The following TAS2R1 variants were observed in gnomAD, a reference collection of about 807,000 sequenced individuals.
The protein encoded by TAS2R1 is taste receptor type 2 member 1.
For missense variants in TAS2R1, 370 were observed against 353.4 expected (o/e 1.05, Z -0.38); for synonymous variants, 141 against 134.2 (o/e 1.05, Z -0.35).
At chr5:9,817,135 T>A in the TAS2R1 span, among the ~76,000 whole-genome samples, 23 of 152,318 alleles carry the variant, frequency 1.5e-4, no homozygotes, top group African/African-American at 5.5e-4. Flanking sequence ...GAAAACTGAT[T>A]TTAAGCCCAC....
At chr5:9,762,072 A>T in the TAS2R1 span, among the ~76,000 whole-genome samples, 3 of 152,296 alleles carry the variant, frequency 2.0e-5, no homozygotes, top group South Asian at 4.1e-4. Context: ...GCTCACCAAA[A>T]AAACACCTCC....
intron 1 of TAS2R1, among the ~76,000 whole-genome samples, chr5:9,686,384 T>C (rs1157819630): frequency 1.3e-5 from 2 of 152,194 alleles, no homozygotes; most frequent in East Asian, 1.9e-4. Flanking sequence ...ATAAGAATGT[T>C]ATCCCTCGGC....
chr5:9,788,649 T>C, the TAS2R1 span, among the ~76,000 whole-genome samples: 32 of 152,166 alleles, frequency 2.1e-4, no homozygotes, highest in African/African-American at 7.7e-4. Flanking sequence ...AAAATATAAT[T>C]ATGGGTCTAT....
At chr5:9,781,975 T>C in the TAS2R1 span, among the ~76,000 whole-genome samples, 2 of 152,228 alleles carry the variant, frequency 1.3e-5, no homozygotes, top group Non-Finnish European at 2.9e-5. Context: ...ATAGATGTCT[T>C]TCTGGTTTTT....
chr5:9,850,316 A>G, the TAS2R1 span, among the ~76,000 whole-genome samples: 6 of 152,344 alleles, frequency 3.9e-5, no homozygotes, highest in Middle Eastern at 3.4e-3. Flanking sequence ...TGTCAAATCC[A>G]TCTACATTAT....
the TAS2R1 span, among the ~76,000 whole-genome samples, chr5:9,748,101 T>G: frequency 6.6e-6 from 1 of 152,226 alleles, no homozygotes; most frequent in Non-Finnish European, 1.5e-5. Flanking sequence ...TTTATTCTTC[T>G]GTTAAGTAGG....
chr5:9,642,429 G>A (rs1340515116), intron 2 of TAS2R1, among the ~76,000 whole-genome samples: 4 of 152,108 alleles, frequency 2.6e-5, no homozygotes, highest in South Asian at 2.1e-4. Context: ...GAATCTTCCC[G>A]ATAGCAGAGC....
At chr5:9,791,772 G>A in the TAS2R1 span, among the ~76,000 whole-genome samples, 1 of 152,126 alleles carries the variant, frequency 6.6e-6, no homozygotes, top group South Asian at 2.1e-4. Context: ...TTGGTTTAGG[G>A]TACCTGTGTT....
At chr5:9,670,655 T>C (rs1428365772) in intron 1 of TAS2R1, among the ~76,000 whole-genome samples, 1 of 152,128 alleles carries the variant, frequency 6.6e-6, no homozygotes, top group Admixed American at 6.6e-5. Context: ...ATAAAAAGCC[T>C]GCCAACCAGA....
chr5:9,903,328 T>C, the TAS2R1 span, among the ~76,000 whole-genome samples: 1 of 152,062 alleles, frequency 6.6e-6, no homozygotes. Flanking sequence ...ATCCATGTTG[T>C]CCTTTATTTT....
chr5:9,859,144 T>G, the TAS2R1 span, among the ~76,000 whole-genome samples: 1 of 152,216 alleles, frequency 6.6e-6, no homozygotes, highest in Non-Finnish European at 1.5e-5. Flanking sequence ...CAGAAACAAT[T>G]AAATCCTCAC....
upstream of TAS2R1, among the ~76,000 whole-genome samples, chr5:9,632,128 C>T (rs1444908932): frequency 6.6e-6 from 1 of 152,066 alleles, no homozygotes; most frequent in Non-Finnish European, 1.5e-5. Flanking sequence ...AATTCTAGAC[C>T]ACCAAAATAC....
At chr5:9,826,715 T>C in the TAS2R1 span, among the ~76,000 whole-genome samples, 1 of 152,338 alleles carries the variant, frequency 6.6e-6, no homozygotes, top group African/African-American at 2.4e-5. Context: ...CCTTAAAACA[T>C]ATTTTTGAAA....
intron 1 of TAS2R1, among the ~76,000 whole-genome samples, chr5:9,706,280 A>T (rs1028971580): frequency 3.3e-5 from 5 of 152,182 alleles, no homozygotes; most frequent in African/African-American, 1.2e-4. Flanking sequence ...GAAGGGAGGA[A>T]GTAGAGCCCT....
the TAS2R1 span, among the ~76,000 whole-genome samples, chr5:9,887,250 C>T: frequency 6.6e-6 from 1 of 152,212 alleles, no homozygotes; most frequent in Non-Finnish European, 1.5e-5. Flanking sequence ...TTGACATCAT[C>T]TATTCACCAA....
chr5:9,789,681 G>C, the TAS2R1 span, among the ~76,000 whole-genome samples: 1 of 152,200 alleles, frequency 6.6e-6, no homozygotes, highest in Non-Finnish European at 1.5e-5. Context: ...CTGCTGTGTG[G>C]ATCTGGCAAT....
At chr5:9,689,141 T>C (rs1318303012) in intron 1 of TAS2R1, among the ~76,000 whole-genome samples, 1 of 152,198 alleles carries the variant, frequency 6.6e-6, no homozygotes, top group Non-Finnish European at 1.5e-5. Context: ...ACTCTATGGC[T>C]CTACTCTGAC....
chr5:9,643,231 A>C (rs1399284420), intron 2 of TAS2R1, among the ~76,000 whole-genome samples: 1 of 152,198 alleles, frequency 6.6e-6, no homozygotes, highest in Non-Finnish European at 1.5e-5. Context: ...GTGCACTTAC[A>C]CAAACCTAGA....
chr5:9,777,949 C>T, the TAS2R1 span, among the ~76,000 whole-genome samples: 2 of 147,944 alleles, frequency 1.4e-5, no homozygotes, highest in African/African-American at 4.9e-5. Flanking sequence ...GGCGCAATCT[C>T]GGCTCACTGC....
Sources: gnomAD v4.1 joint callset for allele counts (sites outside exome capture counted in the v4.1 genomes callset) on GRCh38, gnomAD v4.1.1 for gene constraint, MANE v1.5 for transcripts, NCBI Gene and HGNC (gene_info 2026-07-23, HGNC 2026-07-21) for gene names.